The following RARB variants were observed in gnomAD, a reference collection of about 807,000 sequenced individuals.
RARB encodes the protein retinoic acid receptor beta.
Under a neutral mutation model 51.9 loss-of-function variants are expected in RARB, and 17 were observed. That is an observed-to-expected ratio of 0.33 (90% CI 0.22 to 0.49). The LOEUF is 0.49. RARB is among the 20% of genes least tolerant of loss of function. The pLI, the probability that RARB is intolerant of heterozygous loss-of-function variation, is 0.99. For synonymous variants in RARB, 215 were observed against 195.4 expected (o/e 1.10, Z -0.84); for missense variants, 369 against 550.8 (o/e 0.67, Z 3.30).
Position 25,110,237 on chromosome 3 carries a change from C to T in RARB, c.-327-21924C>T, listed in dbSNP as rs142270845. Among the ~76,000 whole-genome samples, 948 of 152,278 alleles carry T rather than the reference C, an allele frequency of 6.2e-3. 4 individuals are homozygous for T. The highest frequency in any genetic ancestry group is 0.011 in the Non-Finnish European group (765 of 68,018). ...ATACATGTCAATGTGTCTTAGTTTA[C>T]GCTTGTTTATAGGTGTTGCTTTTGC... On this transcript the variant is annotated intron_variant, in intron 3 of 11. Transcript: ENST00000383772.
At chr3:25,210,108 C>T (rs745515541) in intron 5 of RARB, among the ~76,000 whole-genome samples, 1 of 152,092 alleles carries the variant, frequency 6.6e-6, no homozygotes, top group African/African-American at 2.4e-5. Flanking sequence ...GGCTCTATTG[C>T]TTCTCAGATT....
At chr3:25,260,902 A>G (rs964636352) in intron 5 of RARB, among the ~76,000 whole-genome samples, 13 of 152,106 alleles carry the variant, frequency 8.5e-5, no homozygotes, top group Admixed American at 8.5e-4. Context: ...ATAAAATAGG[A>G]CATGAGACAG....
intron 2 of RARB, among the ~76,000 whole-genome samples, chr3:24,996,582 C>T (rs1697045316): frequency 6.6e-6 from 1 of 151,052 alleles, no homozygotes; most frequent in South Asian, 2.1e-4. Context: ...TTGATGTAGG[C>T]ATTTATTGCT....
chr3:24,931,495 T>C (rs1252302397), intron 2 of RARB, among the ~76,000 whole-genome samples: 3 of 151,994 alleles, frequency 2.0e-5, no homozygotes, highest in East Asian at 1.9e-4. Context: ...CCCAACCCCA[T>C]TTTTATCTTG....
At chr3:25,172,340 G>T (rs1032095916) in intron 4 of RARB, among the ~76,000 whole-genome samples, 1 of 152,142 alleles carries the variant, frequency 6.6e-6, no homozygotes, top group Admixed American at 6.5e-5. Context: ...TTCTGGCTTA[G>T]CGAGGGCTTA....
intron 5 of RARB, among the ~76,000 whole-genome samples, chr3:25,417,916 C>A (rs371530518): frequency 6.6e-6 from 1 of 152,174 alleles, no homozygotes; most frequent in African/African-American, 2.4e-5. Flanking sequence ...AGCCAGTACT[C>A]CACATGGACA....
At chr3:25,037,237 C>G (rs1005389505) in intron 2 of RARB, among the ~76,000 whole-genome samples, 1 of 149,906 alleles carries the variant, frequency 6.7e-6, no homozygotes, top group Non-Finnish European at 1.5e-5. Flanking sequence ...GATTAAAGCA[C>G]GTTTTAAAGG....
intron 2 of RARB, among the ~76,000 whole-genome samples, chr3:25,474,655 T>G (rs1695865514): frequency 6.6e-6 from 1 of 152,212 alleles, no homozygotes; most frequent in South Asian, 2.1e-4. Flanking sequence ...TGAATATCTT[T>G]TAGTATGTTT....
At chr3:24,945,519 C>G (rs911501270) in intron 2 of RARB, among the ~76,000 whole-genome samples, 1 of 152,234 alleles carries the variant, frequency 6.6e-6, no homozygotes, top group African/African-American at 2.4e-5. Context: ...AACAAGAATT[C>G]ATGAAGCAGC....
At chr3:24,952,501 G>T (rs562985919) in intron 2 of RARB, among the ~76,000 whole-genome samples, 1 of 151,968 alleles carries the variant, frequency 6.6e-6, no homozygotes, top group African/African-American at 2.4e-5. Flanking sequence ...GCACTCCGGC[G>T]CTAACTGCTT....
At chr3:25,269,445 A>G (rs1367650883) in intron 5 of RARB, among the ~76,000 whole-genome samples, 3 of 152,156 alleles carry the variant, frequency 2.0e-5, no homozygotes, top group Admixed American at 6.5e-5. Flanking sequence ...CACTTCTTCC[A>G]CTTACTAGCT....
At chr3:25,299,905 T>G (rs2125426918) in intron 5 of RARB, among the ~76,000 whole-genome samples, 1 of 152,376 alleles carries the variant, frequency 6.6e-6, no homozygotes, top group African/African-American at 2.4e-5. Flanking sequence ...AATAATTGCA[T>G]AAGAATCTAC....
intron 5 of RARB, among the ~76,000 whole-genome samples, chr3:25,249,378 T>A (rs947411777): frequency 1.3e-5 from 2 of 152,156 alleles, no homozygotes; most frequent in African/African-American, 4.8e-5. Flanking sequence ...TTCTCTTATA[T>A]CCCACTGAAC....
intron 5 of RARB, among the ~76,000 whole-genome samples, chr3:25,321,828 C>G (rs1207406218): frequency 2.0e-5 from 3 of 150,944 alleles, no homozygotes; most frequent in Non-Finnish European, 4.4e-5. Flanking sequence ...TAACTTCTCC[C>G]CAGAAGAAGC....
intron 2 of RARB, among the ~76,000 whole-genome samples, chr3:24,883,835 A>G (rs774371281): frequency 1.3e-5 from 2 of 152,160 alleles, no homozygotes; most frequent in African/African-American, 2.4e-5. Context: ...GAAAAAGTCA[A>G]TGATTCTTGC....
At chr3:25,087,486 A>G (rs1006012168) in intron 3 of RARB, among the ~76,000 whole-genome samples, 1 of 152,126 alleles carries the variant, frequency 6.6e-6, no homozygotes, top group African/African-American at 2.4e-5. Flanking sequence ...CCTTTTAGCC[A>G]TGTAACCTTG....
intron 2 of RARB, among the ~76,000 whole-genome samples, chr3:24,970,143 G>C (rs541153986): frequency 7.9e-5 from 12 of 152,204 alleles, no homozygotes; most frequent in African/African-American, 2.6e-4. Context: ...AATGGCTGTA[G>C]CTGTGTTTCA....
intron 5 of RARB, among the ~76,000 whole-genome samples, chr3:25,314,075 A>G (rs1704355469): frequency 6.6e-6 from 1 of 152,082 alleles, no homozygotes; most frequent in Non-Finnish European, 1.5e-5. Flanking sequence ...TGTCTCAACA[A>G]CAAAAAAAAA....
At chr3:25,081,156 T>C (rs888544382) in intron 3 of RARB, among the ~76,000 whole-genome samples, 5 of 152,148 alleles carry the variant, frequency 3.3e-5, no homozygotes, top group African/African-American at 1.2e-4. Context: ...AGTTCTATTA[T>C]AATTTAATTC....
Sources: gnomAD v4.1 joint callset for allele counts (sites outside exome capture counted in the v4.1 genomes callset) on GRCh38, gnomAD v4.1.1 for gene constraint, MANE v1.5 for transcripts, NCBI Gene and HGNC (gene_info 2026-07-23, HGNC 2026-07-21) for gene names.